TAOK1: variants seen among roughly 807,000 people sequenced by gnomAD.
The protein encoded by TAOK1 is TAO kinase 1.
In TAOK1, 21 loss-of-function variants were observed where a neutral mutation model predicts 138.3. The observed-to-expected ratio is 0.15, with a 90% CI of 0.11 to 0.22. The LOEUF (loss-of-function observed/expected upper bound fraction) is 0.22, where lower values mean the gene tolerates loss of function less well. Among genes scored for constraint, TAOK1 ranks in the 10% least tolerant of loss-of-function variants. TAOK1 has a pLI of 1.00. For synonymous variants in TAOK1, 361 were observed against 398.4 expected, an observed-to-expected ratio of 0.91 and a Z score of 1.12; for missense variants, 651 against 1,227.7, an observed-to-expected ratio of 0.53 and a Z score of 7.02.
intron 1 of TAOK1, among the ~76,000 whole-genome samples, chr17:29,448,157 T>G (rs903992446): frequency 1.3e-5 from 2 of 151,828 alleles, no homozygotes; most frequent in African/African-American, 4.8e-5. Context: ...CAAAGAAATT[T>G]ACTCATATTT....
intron 9 of TAOK1, among the ~76,000 whole-genome samples, chr17:29,490,957 A>G (rs2031284762): frequency 6.6e-6 from 1 of 152,156 alleles, no homozygotes; most frequent in Non-Finnish European, 1.5e-5. Flanking sequence ...GACCTGAACA[A>G]CTCGCATTAG....
chr17:29,440,064 G>A lies in TAOK1; in HGVS notation c.-94-11391G>A, dbSNP rs528143277. Among the ~76,000 whole-genome samples, 5 of 152,148 alleles carry A rather than the reference G, an allele frequency of 3.3e-5. No individual in the cohort carries two copies. The East Asian group carries it at 7.7e-4, about 23-fold the overall frequency. On this transcript the variant is annotated intron_variant, in intron 1 of 19. Coordinates refer to ENST00000261716, the MANE Select transcript of TAOK1 (RefSeq NM_020791.4). ...AAAAATCTTTCTACTTTGCAAAGTT[G>A]TAACACAGATTTTGAGCTATGATAT...
At chr17:29,462,478 A>G (rs928495509) in intron 2 of TAOK1, among the ~76,000 whole-genome samples, 5 of 152,232 alleles carry the variant, frequency 3.3e-5, no homozygotes, top group African/African-American at 1.2e-4. Flanking sequence ...AATATGGTAG[A>G]CCATGTATGG....
intron 18 of TAOK1, chr17:29,530,872 T>C: frequency 2.0e-6 from 1 of 503,628 alleles, no homozygotes; most frequent in Non-Finnish European, 3.6e-6. Context: ...TAACACCTTA[T>C]TGAGATTAGA....
intron 1 of TAOK1, among the ~76,000 whole-genome samples, chr17:29,409,028 A>G (rs1905072877): frequency 1.3e-5 from 2 of 151,876 alleles, no homozygotes; most frequent in South Asian, 2.1e-4. Context: ...TGTGATTTCT[A>G]TTGCTGTATA....
At chr17:29,395,776 A>G (rs922845906) in intron 1 of TAOK1, among the ~76,000 whole-genome samples, 5 of 145,398 alleles carry the variant, frequency 3.4e-5, no homozygotes, top group East Asian at 4.0e-4. Context: ...TCCCACATCA[A>G]CCTCCCAAGT....
chr17:29,455,272 G>T (rs4794857), intron 2 of TAOK1, among the ~76,000 whole-genome samples: 95,381 of 149,936 alleles, frequency 0.64, 32,592 homozygotes, highest in East Asian at 0.97. Context: ...TTAATTCCGT[G>T]TGAAATTGTT....
chr17:29,459,590 A>G (rs976114390), intron 2 of TAOK1, among the ~76,000 whole-genome samples: 2 of 151,956 alleles, frequency 1.3e-5, no homozygotes, highest in African/African-American at 4.8e-5. Context: ...TTCTTTTTTT[A>G]TGGCCGAATA....
chr17:29,507,501 T>C (rs1178175536), intron 13 of TAOK1, among the ~76,000 whole-genome samples: 1 of 152,156 alleles, frequency 6.6e-6, no homozygotes, highest in Non-Finnish European at 1.5e-5. Flanking sequence ...CAGGATTTGC[T>C]AAAAACACTA....
At chr17:29,461,486 A>G (rs4795512) in intron 2 of TAOK1, among the ~76,000 whole-genome samples, 58,089 of 151,996 alleles carry the variant, frequency 0.38, 11,931 homozygotes, top group East Asian at 0.88. Flanking sequence ...GACAGGGCCA[A>G]CAAACCTCAG....
intron 4 of TAOK1, 151 bp downstream of exon 4, chr17:29,475,922 A>G: frequency 1.5e-6 from 1 of 668,822 alleles, no homozygotes; most frequent in Non-Finnish European, 2.6e-6. Context: ...ATTTCCTAGA[A>G]CTTGTAGGCA....
intron 3 of TAOK1, among the ~76,000 whole-genome samples, chr17:29,474,854 A>T (rs910930148): frequency 9.6e-5 from 14 of 145,840 alleles, no homozygotes; most frequent in East Asian, 4.0e-4. Flanking sequence ...AATTTGTTTT[A>T]AAAAAAAAAA....
At chr17:29,502,565 A>G in intron 12 of TAOK1, 24 bp from the exon 13 acceptor site, 1 of 1,577,160 alleles carries the variant, frequency 6.3e-7, no homozygotes, top group East Asian at 2.2e-5. Context: ...CTTACATAAT[A>G]TTGTCTTTTT....
chr17:29,507,876 T>A lies in TAOK1; in HGVS notation c.1339-20T>A. On this transcript the variant is annotated intron_variant, in intron 13 of 19. Transcript: ENST00000261716. ...GAATGTTTTATTTTCTTCTTTTCCT[T>A]ACATTATTTGTATGTCTAGGTTACG... The A allele has an allele frequency of 6.3e-7, 1 of 1,596,498 alleles. No individual in the cohort carries two copies. The highest frequency in any genetic ancestry group is 8.5e-7 in the Non-Finnish European group (1 of 1,169,970).
At chr17:29,442,063 T>C (rs559164255) in intron 1 of TAOK1, among the ~76,000 whole-genome samples, 1 of 151,890 alleles carries the variant, frequency 6.6e-6, no homozygotes, top group Non-Finnish European at 1.5e-5. Flanking sequence ...TTTTGTTTGT[T>C]TTTTTTTGAG....
chr17:29,421,487 GTAT>G (rs1391796675), intron 1 of TAOK1, among the ~76,000 whole-genome samples: 1 of 152,126 alleles, frequency 6.6e-6, no homozygotes, highest in Non-Finnish European at 1.5e-5. Flanking sequence ...TGTAGAACTG[GTAT>G]TATTTTTTCT....
intron 11 of TAOK1, 73 bp from the exon 12 acceptor site, chr17:29,498,245 C>T (rs2031450593): frequency 2.0e-6 from 3 of 1,507,686 alleles, no homozygotes; most frequent in Middle Eastern, 1.7e-4. Flanking sequence ...ATGCTAGGTG[C>T]TTATAGTCAA....
At chr17:29,413,195 A>G (rs1905186315) in intron 1 of TAOK1, among the ~76,000 whole-genome samples, 1 of 152,188 alleles carries the variant, frequency 6.6e-6, no homozygotes, top group Non-Finnish European at 1.5e-5. Context: ...TCTGCCTTAT[A>G]AAAAGGGAAA....
chr17:29,417,256 C>T (rs184066381), intron 1 of TAOK1, among the ~76,000 whole-genome samples: 1 of 152,338 alleles, frequency 6.6e-6, no homozygotes, highest in East Asian at 1.9e-4. Flanking sequence ...CTCAGGTGAT[C>T]CACCTGCCTC....
Sources: gnomAD v4.1 joint callset for allele counts (sites outside exome capture counted in the v4.1 genomes callset) on GRCh38, gnomAD v4.1.1 for gene constraint, MANE v1.5 for transcripts, NCBI Gene and HGNC (gene_info 2026-07-23, HGNC 2026-07-21) for gene names.